Variants in TSSK4 observed in about 807,000 individuals in gnomAD.
TSSK4 encodes the protein testis specific serine kinase 4.
A neutral mutation model predicts 28.5 loss-of-function variants in TSSK4; 22 were observed. The ratio of observed to expected loss-of-function variants is 0.77; its 90% CI spans 0.55 to 1.10. TSSK4 has a LOEUF of 1.10. TSSK4 is among the 50% of genes least tolerant of loss of function. The probability of loss-of-function intolerance (pLI) is 0.00; values close to 1 mark genes in which losing one functional copy is unlikely to be tolerated. For missense variants in TSSK4, 329 were observed against 415.4 expected (o/e 0.79, Z 1.81); for synonymous variants, 151 against 158.3 (o/e 0.95, Z 0.35).
rs956030099 is a variant in TSSK4 at position 24,206,870 on chromosome 14, A to G, written c.440+147A>G. 3.9e-6 allele frequency: 4 copies of G among 1,028,264 alleles called. No individual in the cohort carries two copies. The African/African-American group carries it at 6.4e-5, about 16-fold the overall frequency. The allele number at this position is 1,028,264 out of a possible 1,614,324, so 63.7% of individuals were successfully genotyped here. ...CTCTATTTTAATCATATGGTCAAGG[A>G]TACTGATAAAGTACTCACTGTATGC... On this transcript the variant is annotated intron_variant, in intron 2 of 3. Transcript: ENST00000339917.
rs2039508891 is a variant in TSSK4, at chr14:24,205,933, G to A, written c.10G>A (p.Gly4Arg). Residue 4 changes from glycine (G) to arginine (R), a missense_variant, in exon 1 of 4, where the codon GGA (glycine) becomes AGA (arginine). Physicochemically the swap from Gly to Arg is moderately radical, Grantham distance 125 (BLOSUM62 -2). Coordinates refer to ENST00000339917, the MANE Select transcript of TSSK4 (RefSeq NM_001184739.2). MGKGDVLEAAPTTT... is the reference protein window; with the variant it reads MGKRDVLEAAPTTT... ...CAGCAAGCCCAACACCATGGGGAAG[G>A]GAGATGTCTTAGAGGCAGCACCAAC... 1.9e-6 allele frequency: 3 copies of A among 1,613,708 alleles called. No homozygotes were observed. Among genetic ancestry groups the A allele is most frequent in the Middle Eastern group, 1.7e-4 (1 of 5,716 alleles).
chr14:24,207,060 T>C lies in TSSK4; in HGVS notation c.441-56T>C, dbSNP rs770596765. 27 of 1,597,424 alleles carry C rather than the reference T, an allele frequency of 1.7e-5. No homozygotes were observed. In the African/African-American group the frequency reaches 3.3e-4, roughly 20 times the overall value. ...CTCCCACTTCCTCTGTCCTCATCTT[T>C]ACCCTCTGACCCCTGGCCCTTCAGC... is the stretch of plus-strand genomic sequence containing the variant. On this transcript the variant is annotated intron_variant, in intron 2 of 3. Coordinates refer to ENST00000339917, the MANE Select transcript of TSSK4 (RefSeq NM_001184739.2).
At chr14:24,207,636 C>A in intron 3 of TSSK4, 127 bp downstream of exon 3, 1 of 1,130,272 alleles carries the variant, frequency 8.8e-7, no homozygotes. Context: ...CCAGAGCCAT[C>A]TCACACACTA....
In TSSK4 at chr14:24,206,795, C is replaced by G. The variant is rs2039526969; in HGVS notation, c.440+72C>G. 3 of 1,531,346 alleles carry G rather than the reference C, an allele frequency of 2.0e-6. No homozygotes were observed. The East Asian group carries it at 6.9e-5, about 35-fold the overall frequency. The allele number at this position is 1,531,346 out of a possible 1,614,324, so 94.9% of individuals were successfully genotyped here. A position where few individuals can be genotyped will look rare whatever the true frequency, so the allele number is the denominator to read the frequency against. ...TTTATGCACATCTCCCATTTCCTGTCCTTTTTTCCTCTTTCGAACTCCCTC... is the reference window on the plus strand; with the variant it reads ...TTTATGCACATCTCCCATTTCCTGTGCTTTTTTCCTCTTTCGAACTCCCTC... On this transcript the variant is annotated intron_variant, in intron 2 of 3. Coordinates refer to ENST00000339917, the MANE Select transcript of TSSK4 (RefSeq NM_001184739.2).
chr14:24,206,121 T>G lies in TSSK4; in HGVS notation c.198T>G (p.Leu66=). ...AGAAGAAGGCCTCTGATGACTATCTTAACAAGTTCCTGCCCCGTGAAATAC... is the reference window on the plus strand; with the variant it reads ...AGAAGAAGGCCTCTGATGACTATCTGAACAAGTTCCTGCCCCGTGAAATAC... ...ISKKKASDDY[L]NKFLPREIQV... is the part of the protein sequence containing the mutation. Residue 66 remains leucine (L), a synonymous_variant, in exon 1 of 4, where the codon CTT becomes CTG. Coordinates refer to ENST00000339917, the MANE Select transcript of TSSK4 (RefSeq NM_001184739.2). 1 of 1,614,104 alleles carries G rather than the reference T, an allele frequency of 6.2e-7. No individual in the cohort carries two copies.
chr14:24,207,385 T>C lies in TSSK4; in HGVS notation c.710T>C (p.Val237Ala). The change falls in exon 3 of 4, where the codon GTC (valine) becomes GCC (alanine). Residue 237 changes from valine (V) to alanine (A), a missense_variant. Val to Ala is a moderately conservative substitution (Grantham distance 64). Around this residue, in one of 3 missense-constraint regions of TSSK4, gnomAD observed 139 missense variants for 178.1 expected, o/e 0.78. Coordinates refer to ENST00000339917, the MANE Select transcript of TSSK4 (RefSeq NM_001184739.2). ...CTGTCTGACACCTGGAGCATGGGCG[T>C]CATCCTTTACACTCTAGTGGTCGCC... is the stretch of plus-strand genomic sequence containing the variant. The part of the protein sequence containing the change: ...PFLSDTWSMG[V>A]ILYTLVVAHL... 6.2e-7 allele frequency: 1 copy of C among 1,614,150 alleles called. No homozygotes were observed. Among genetic ancestry groups the C allele is most frequent in the South Asian group, 1.1e-5 (1 of 91,080 alleles).
At chr14:24,206,959 C>A in intron 2 of TSSK4, 157 bp from the exon 3 acceptor site, 1 of 1,100,956 alleles carries the variant, frequency 9.1e-7, no homozygotes, top group Non-Finnish European at 1.3e-6. Context: ...CTCTGTCTCT[C>A]TCCCTACTTT....
chr14:24,207,123 C>G lies in TSSK4; in HGVS notation c.448C>G (p.Pro150Ala). The G allele has an allele frequency of 6.2e-7, 1 of 1,606,516 alleles. No individual in the cohort carries two copies. The highest frequency in any genetic ancestry group is 1.3e-5 in the African/African-American group (1 of 75,018). ...ACTAAGCCCTCTCCCCAGCCTGATGCCCAGCCTTTCTGCTGCTGGTAGGGA... is the reference window on the plus strand; with the variant it reads ...ACTAAGCCCTCTCCCCAGCCTGATGGCCAGCCTTTCTGCTGCTGGTAGGGA... ...HSKSIVHRLM[P>A]SLSAAGRDLK... Residue 150 changes from proline (P) to alanine (A), a missense_variant, in exon 3 of 4, where the codon CCC (proline) becomes GCC (alanine). Transcript: ENST00000339917.
chr14:24,206,802 T>C (rs1384979739), intron 2 of TSSK4, 79 bp downstream of exon 2: 11 of 1,494,724 alleles, frequency 7.4e-6, no homozygotes, highest in Middle Eastern at 1.8e-4. Context: ...TGTCCTTTTT[T>C]CCTCTTTCGA....
chr14:24,206,272 T>C, intron 1 of TSSK4, 124 bp downstream of exon 1: 1 of 970,500 alleles, frequency 1.0e-6, no homozygotes, highest in South Asian at 1.5e-5. Flanking sequence ...AATGTCTCAC[T>C]AAGCAGCTAG....
chr14:24,207,669 T>C (rs1453602708), intron 3 of TSSK4, among the ~76,000 whole-genome samples, 160 bp downstream of exon 3: 2 of 152,100 alleles, frequency 1.3e-5, no homozygotes, highest in African/African-American at 2.4e-5. Flanking sequence ...TAATAAACAG[T>C]ATGGAAGGCA....
chr14:24,208,221 A>G lies in TSSK4; in HGVS notation c.*75A>G, dbSNP rs1199201365. 3 of 1,465,510 alleles carry G rather than the reference A, an allele frequency of 2.0e-6. No individual in the cohort carries two copies. Among genetic ancestry groups the G allele is most frequent in the Non-Finnish European group, 2.7e-6 (3 of 1,104,124 alleles). 90.8% of individuals were successfully genotyped at this position (1,465,510 alleles called of 1,614,324 possible). A position where few individuals can be genotyped will look rare whatever the true frequency, so the allele number is the denominator to read the frequency against. ...GCTAAAAATCTTTTTTACCAAAAAT[A>G]AATCTAAGTCTGATTTAGTTTCATC... is the stretch of plus-strand genomic sequence containing the variant. On this transcript the variant is annotated 3_prime_UTR_variant, in exon 4 of 4. Coordinates refer to ENST00000339917, the MANE Select transcript of TSSK4 (RefSeq NM_001184739.2).
At position 24,206,094 on chromosome 14, in the gene TSSK4, AAAG is replaced by A. The variant is rs762807506; in HGVS notation, c.178_180del (p.Lys60del). 3.0e-5 allele frequency: 48 copies of A among 1,614,038 alleles called. No homozygotes were observed. The highest frequency in any genetic ancestry group is 1.0e-4 in the Admixed American group (6 of 60,006). On this transcript the variant is annotated inframe_deletion, in exon 1 of 4. Transcript: ENST00000339917. The stretch of plus-strand genomic sequence containing the variant: ...TTATGGTGGCAGTCAAGATCATCTC[AAAG>A]AAGAAGGCCTCTGATGACTATCTTA...
intron 1 of TSSK4, 146 bp downstream of exon 1, chr14:24,206,294 TAAG>T: frequency 3.3e-6 from 3 of 901,088 alleles, no homozygotes; most frequent in Non-Finnish European, 5.0e-6. Flanking sequence ...AAACTTTATG[TAAG>T]TTAAACCTCT....
intron 1 of TSSK4, 32 bp from the exon 2 acceptor site, chr14:24,206,477 C>T (rs371391834): frequency 4.3e-6 from 7 of 1,612,446 alleles, no homozygotes; most frequent in East Asian, 2.2e-5. Flanking sequence ...TTCTCCCTTC[C>T]CAGGTTTGAT....
At position 24,206,010 on chromosome 14, in the gene TSSK4, G is replaced by A. The variant is rs775702618; in HGVS notation, c.87G>A (p.Lys29=). 8 of 1,614,088 alleles carry A rather than the reference G, an allele frequency of 5.0e-6. No homozygotes were observed. In the African/African-American group the frequency reaches 9.3e-5, roughly 19 times the overall value. The change falls in exon 1 of 4, where the codon AAG becomes AAA. Residue 29 remains lysine, a synonymous_variant. Transcript: ENST00000339917. The part of the protein sequence containing the change: ...LMDEYGYEVG[K]AIGHGSYGSV... The stretch of plus-strand genomic sequence containing the variant: ...ATGAATATGGTTATGAGGTGGGCAA[G>A]GCCATTGGCCATGGCTCCTATGGGT...
At chr14:24,207,638 C>A in intron 3 of TSSK4, 129 bp downstream of exon 3, 1 of 1,110,234 alleles carries the variant, frequency 9.0e-7, no homozygotes, top group African/African-American at 1.6e-5. Flanking sequence ...AGAGCCATCT[C>A]ACACACTAGC....
rs2039513699 is a variant in TSSK4 at position 24,206,157 on chromosome 14, G to C, written c.225+9G>C. 1 of 1,613,438 alleles carries C rather than the reference G, an allele frequency of 6.2e-7. No homozygotes were observed. The highest frequency in any genetic ancestry group is 8.5e-7 in the Non-Finnish European group (1 of 1,179,542). ...TGCCCCGTGAAATACAGGTTGGAAAGGGGGCTGGAAGAGGGAACTGGAGCT... is the reference window on the plus strand; with the variant it reads ...TGCCCCGTGAAATACAGGTTGGAAACGGGGCTGGAAGAGGGAACTGGAGCT... On this transcript the variant is annotated intron_variant, in intron 1 of 3. Transcript: ENST00000339917.
intron 2 of TSSK4, 74 bp from the exon 3 acceptor site, chr14:24,207,041 CT>C: frequency 6.3e-7 from 1 of 1,585,780 alleles, no homozygotes; most frequent in Non-Finnish European, 8.6e-7. Flanking sequence ...CTACCTCCCA[CT>C]TCCTCTGTCC....
Sources: gnomAD v4.1 joint callset for allele counts (sites outside exome capture counted in the v4.1 genomes callset) on GRCh38, gnomAD v4.1.1 for gene constraint, gnomAD v4.1.1 regional missense constraint, MANE v1.5 for transcripts, NCBI Gene and HGNC (gene_info 2026-07-23, HGNC 2026-07-21) for gene names.